Variants in SPATA16 observed in about 807,000 individuals in gnomAD.
SPATA16 encodes spermatogenesis-associated protein 16.
A neutral mutation model predicts 63.3 loss-of-function variants in SPATA16; 36 were observed. The ratio of observed to expected loss-of-function variants is 0.57; its 90% CI spans 0.44 to 0.75. SPATA16 has a LOEUF of 0.75. SPATA16 is among the 30% of genes least tolerant of loss of function. The pLI, the probability that SPATA16 is intolerant of heterozygous loss-of-function variation, is 0.00. For synonymous variants in SPATA16, 203 were observed against 216.7 expected (o/e 0.94, Z 0.56); for missense variants, 646 against 679.3 (o/e 0.95, Z 0.54).
At chr3:173,113,296 AC>A (rs1737798393) in intron 2 of SPATA16, among the ~76,000 whole-genome samples, 1 of 152,174 alleles carries the variant, frequency 6.6e-6, no homozygotes, top group African/African-American at 2.4e-5. Flanking sequence ...TTCAGCTTAC[AC>A]CTTTTGCCCT....
At chr3:173,118,651 A>T (rs951378291) in intron 1 of SPATA16, among the ~76,000 whole-genome samples, 2 of 152,214 alleles carry the variant, frequency 1.3e-5, no homozygotes, top group African/African-American at 4.8e-5. Flanking sequence ...AAATAGGAAC[A>T]GGGACCACAT....
chr3:173,111,397 C>G (rs6445103), intron 2 of SPATA16, among the ~76,000 whole-genome samples: 46,052 of 151,840 alleles, frequency 0.3, 7,278 homozygotes, highest in African/African-American at 0.38. Context: ...GTGACAGAGC[C>G]AGACTCCATC....
intron 6 of SPATA16, among the ~76,000 whole-genome samples, chr3:172,931,937 A>G (rs1259685226): frequency 2.6e-5 from 4 of 152,196 alleles, no homozygotes; most frequent in Non-Finnish European, 5.9e-5. Flanking sequence ...TCTCTGGGAA[A>G]TATGAACTCA....
At chr3:172,965,823 G>A (rs930245742) in intron 5 of SPATA16, among the ~76,000 whole-genome samples, 4 of 152,020 alleles carry the variant, frequency 2.6e-5, no homozygotes, top group African/African-American at 7.2e-5. Context: ...TGATCCGCCC[G>A]CCTAGGCCTC....
intron 1 of SPATA16, among the ~76,000 whole-genome samples, chr3:173,119,593 A>C (rs1560129577): frequency 6.6e-6 from 1 of 152,246 alleles, no homozygotes; most frequent in East Asian, 1.9e-4. Context: ...AAATCCTAGA[A>C]TATTTCCCCA....
intron 4 of SPATA16, among the ~76,000 whole-genome samples, chr3:172,995,788 A>G (rs1734679825): frequency 1.3e-5 from 2 of 152,256 alleles, no homozygotes; most frequent in Non-Finnish European, 2.9e-5. Flanking sequence ...TTTTAAATAC[A>G]TAGAAAAGTT....
chr3:173,086,918 T>C (rs888671202), intron 2 of SPATA16, among the ~76,000 whole-genome samples: 55 of 152,224 alleles, frequency 3.6e-4, no homozygotes, highest in African/African-American at 1.3e-3. Flanking sequence ...TCAGCTCTTT[T>C]GCATTTGCTG....
intron 3 of SPATA16, among the ~76,000 whole-genome samples, chr3:173,048,215 G>A (rs1736000192): frequency 6.6e-6 from 1 of 152,052 alleles, no homozygotes; most frequent in Admixed American, 6.6e-5. Flanking sequence ...AGTCAGGCAG[G>A]GAGGGATAGA....
At chr3:172,913,425 TGAA>T (rs963748617) in intron 10 of SPATA16, among the ~76,000 whole-genome samples, 6 of 151,706 alleles carry the variant, frequency 4.0e-5, no homozygotes, top group African/African-American at 1.5e-4. Context: ...AGCATGATAA[TGAA>T]GAAAAATCAC....
At chr3:173,025,037 C>G (rs1009842697) in intron 3 of SPATA16, among the ~76,000 whole-genome samples, 2 of 150,678 alleles carry the variant, frequency 1.3e-5, no homozygotes, top group Non-Finnish European at 3.0e-5. Context: ...CAGCATTGTT[C>G]AATTTCAAAA....
rs1382005151 is a variant in SPATA16 at position 172,993,051 on chromosome 3, A to G, written c.849-15999T>C. Among the ~76,000 whole-genome samples the G allele has an allele frequency of 4.6e-5, 7 of 152,296 alleles. No individual in the cohort carries two copies. In the East Asian group the frequency reaches 1.4e-3, roughly 29 times the overall value. On this transcript the variant is annotated intron_variant, in intron 4 of 10. Transcript: ENST00000351008. Reference sequence around the variant, plus strand: ...GTATCCAGACTACACTATTAGAGAGAGAATTCTCTTATCCCCCAGTGGTTG... The same window carrying G: ...GTATCCAGACTACACTATTAGAGAGGGAATTCTCTTATCCCCCAGTGGTTG...
In SPATA16 at chr3:172,936,542, T is replaced by C. The variant is rs369865051; in HGVS notation, c.1082-11050A>G. 8.5e-5 allele frequency among the ~76,000 whole-genome samples: 13 copies of C among 152,326 alleles called. 2 individuals are homozygous for C. Among genetic ancestry groups the C allele is most frequent in the South Asian group, 2.1e-4 (1 of 4,824 alleles). ...GCATTCACTGTTTTTGTTGCTCTTA[T>C]GGTATTTTGTTGCTATTATGTTGCT... On this transcript the variant is annotated intron_variant, in intron 6 of 10. Transcript: ENST00000351008.
intron 2 of SPATA16, among the ~76,000 whole-genome samples, chr3:173,087,234 A>T (rs774422932): frequency 2.6e-5 from 4 of 152,060 alleles, no homozygotes; most frequent in Admixed American, 2.0e-4. Flanking sequence ...TATATTTAGG[A>T]TAGTTAGCTT....
intron 2 of SPATA16, among the ~76,000 whole-genome samples, chr3:173,113,018 CA>C (rs568474513): frequency 1.6e-4 from 25 of 152,224 alleles, no homozygotes; most frequent in African/African-American, 5.3e-4. Flanking sequence ...CAATAAGTGA[CA>C]AAAAATATGA....
intron 2 of SPATA16, among the ~76,000 whole-genome samples, chr3:173,058,560 C>T (rs529734092): frequency 6.6e-6 from 1 of 152,050 alleles, no homozygotes; most frequent in East Asian, 1.9e-4. Context: ...ATACTAGTAC[C>T]TACACTAGAT....
intron 5 of SPATA16, among the ~76,000 whole-genome samples, chr3:172,974,594 A>G (rs1734114278): frequency 6.6e-6 from 1 of 152,042 alleles, no homozygotes; most frequent in South Asian, 2.1e-4. Flanking sequence ...CAGGAAGTAT[A>G]TAATGGGTGA....
chr3:173,052,301 G>T (rs1736118802), intron 2 of SPATA16, among the ~76,000 whole-genome samples: 1 of 152,074 alleles, frequency 6.6e-6, no homozygotes, highest in South Asian at 2.1e-4. Flanking sequence ...AAATAAAAAT[G>T]ATCTATCTTA....
At chr3:173,096,898 T>C (rs751854075) in intron 2 of SPATA16, among the ~76,000 whole-genome samples, 6 of 152,132 alleles carry the variant, frequency 3.9e-5, no homozygotes, top group Non-Finnish European at 7.4e-5. Flanking sequence ...AAATTTATTA[T>C]ATATTGATAA....
chr3:172,920,624 C>T (rs987321247), intron 8 of SPATA16, among the ~76,000 whole-genome samples: 1 of 152,050 alleles, frequency 6.6e-6, no homozygotes, highest in Non-Finnish European at 1.5e-5. Context: ...AAAAAATATT[C>T]CCTATGATAT....
Sources: allele counts gnomAD v4.1 joint callset (sites outside exome capture counted in the v4.1 genomes callset), GRCh38; gene constraint gnomAD v4.1.1; transcripts MANE v1.5; gene names NCBI Gene and HGNC (gene_info 2026-07-23, HGNC 2026-07-21).